UBE2N: variants seen among roughly 807,000 people sequenced by gnomAD.
UBE2N encodes ubiquitin-conjugating enzyme E2 N.
For missense variants in UBE2N, 60 were observed against 192.1 expected (o/e 0.31, Z 4.07); for synonymous variants, 70 against 69.2 (o/e 1.01, Z -0.06).
intron 1 of UBE2N, among the ~76,000 whole-genome samples, chr12:93,424,633 G>T (rs1328956858): frequency 6.6e-6 from 1 of 152,208 alleles, no homozygotes; most frequent in Non-Finnish European, 1.5e-5. Flanking sequence ...ATACCGCACA[G>T]CTTCAGGAGA....
chr12:93,432,824 A>G (rs961171099), intron 1 of UBE2N, among the ~76,000 whole-genome samples: 1 of 152,194 alleles, frequency 6.6e-6, no homozygotes, highest in Non-Finnish European at 1.5e-5. Context: ...AATTACTTTA[A>G]ATTACAGTAG....
chr12:93,413,319 A>G (rs890943712), intron 1 of UBE2N, among the ~76,000 whole-genome samples: 1 of 152,002 alleles, frequency 6.6e-6, no homozygotes, highest in African/African-American at 2.4e-5. Flanking sequence ...CTATCTCCCA[A>G]CATCGCAACA....
intron 1 of UBE2N, among the ~76,000 whole-genome samples, chr12:93,428,615 C>G (rs1325269382): frequency 1.3e-5 from 2 of 152,170 alleles, no homozygotes; most frequent in Non-Finnish European, 2.9e-5. Flanking sequence ...CACATATGAC[C>G]AGTGTTTCTG....
chr12:93,434,331 G>A (rs189965186), intron 1 of UBE2N, among the ~76,000 whole-genome samples: 14 of 152,278 alleles, frequency 9.2e-5, no homozygotes, highest in Admixed American at 7.9e-4. Flanking sequence ...TCATTAACAC[G>A]TGTGGAAAAA....
At chr12:93,426,605 T>C (rs1168985919) in intron 1 of UBE2N, among the ~76,000 whole-genome samples, 1 of 152,134 alleles carries the variant, frequency 6.6e-6, no homozygotes, top group Non-Finnish European at 1.5e-5. Flanking sequence ...AGCCACATAC[T>C]GCCACATCTC....
intron 1 of UBE2N, among the ~76,000 whole-genome samples, chr12:93,439,158 T>G (rs770975153): frequency 3.9e-5 from 6 of 152,246 alleles, no homozygotes; most frequent in Non-Finnish European, 5.9e-5. Context: ...ATGCTAACAC[T>G]GATGTTATAT....
At chr12:93,433,932 G>C (rs941644470) in intron 1 of UBE2N, among the ~76,000 whole-genome samples, 4 of 152,200 alleles carry the variant, frequency 2.6e-5, no homozygotes, top group Non-Finnish European at 5.9e-5. Flanking sequence ...TGTACATCAG[G>C]AATCTGGTCA....
Position 93,408,364 on chromosome 12 carries a change from C to A in UBE2N, c.*1675G>T, listed in dbSNP as rs918355264. On this transcript the variant is annotated 3_prime_UTR_variant, in exon 4 of 4. Coordinates refer to ENST00000318066, the MANE Select transcript of UBE2N (RefSeq NM_003348.4). ...GATACCAGTTACCAGTCATCAAAAG[C>A]TTTTGTATGTTGAAAATGTAATTTT... The A allele has an allele frequency of 1.3e-5, 2 of 152,144 alleles. No individual in the cohort carries two copies. The highest frequency in any genetic ancestry group is 4.8e-5 in the African/African-American group (2 of 41,434). 9.4% of individuals were successfully genotyped at this position (152,144 alleles called of 1,614,324 possible).
intron 1 of UBE2N, among the ~76,000 whole-genome samples, chr12:93,416,617 C>T (rs1046441896): frequency 2.6e-5 from 4 of 152,008 alleles, no homozygotes; most frequent in African/African-American, 9.7e-5. Context: ...AGGCAGGTCT[C>T]GAACTCCTGA....
At chr12:93,428,639 A>T (rs1279331847) in intron 1 of UBE2N, among the ~76,000 whole-genome samples, 2 of 152,266 alleles carry the variant, frequency 1.3e-5, no homozygotes, top group African/African-American at 4.8e-5. Context: ...AGTGTACACT[A>T]AAATCATAAG....
At chr12:93,428,292 T>G (rs1051270279) in intron 1 of UBE2N, among the ~76,000 whole-genome samples, 5 of 152,186 alleles carry the variant, frequency 3.3e-5, no homozygotes, top group African/African-American at 4.8e-5. Context: ...AGTTAAAAGA[T>G]TACTTTTGAA....
chr12:93,439,530 A>C (rs889690481), intron 1 of UBE2N, among the ~76,000 whole-genome samples: 3 of 152,160 alleles, frequency 2.0e-5, no homozygotes, highest in African/African-American at 7.2e-5. Flanking sequence ...CAGAAATAAA[A>C]CAAATTAACA....
chr12:93,409,450 G>T lies in UBE2N; in HGVS notation c.*589C>A, dbSNP rs918117990. The T allele has an allele frequency of 3.6e-5, 6 of 166,582 alleles. No individual in the cohort carries two copies. The highest frequency in any genetic ancestry group is 1.5e-4 in the African/African-American group (6 of 41,306). The allele number at this position is 166,582 out of a possible 1,614,324, so 10.3% of individuals were successfully genotyped here. ...GGTCACAAGCTTTTTTTGAAGGGGG[G>T]AATCTACACTTGACAGCAATGTTAT... On this transcript the variant is annotated 3_prime_UTR_variant, in exon 4 of 4. Coordinates refer to ENST00000318066, the MANE Select transcript of UBE2N (RefSeq NM_003348.4).
At chr12:93,429,565 A>T (rs1202609235) in intron 1 of UBE2N, among the ~76,000 whole-genome samples, 1 of 99,032 alleles carries the variant, frequency 1.0e-5, no homozygotes, top group African/African-American at 3.7e-5. Context: ...CTGCTTGTTA[A>T]AAAAAAAAAA....
At chr12:93,412,307 A>G (rs1878053060) in intron 1 of UBE2N, among the ~76,000 whole-genome samples, 1 of 152,110 alleles carries the variant, frequency 6.6e-6, no homozygotes, top group African/African-American at 2.4e-5. Flanking sequence ...CTATTTCATG[A>G]CAAGTTAGAT....
intron 1 of UBE2N, among the ~76,000 whole-genome samples, chr12:93,414,168 G>C (rs1275897194): frequency 6.9e-6 from 1 of 144,826 alleles, no homozygotes; most frequent in Non-Finnish European, 1.5e-5. Flanking sequence ...CTCAAAAAAA[G>C]TCTGGGCATG....
rs1338837661 is a variant in UBE2N, at chr12:93,410,714, G to A, written c.418+20C>T. On this transcript the variant is annotated intron_variant, in intron 3 of 3. Transcript: ENST00000318066. Reference sequence around the variant, plus strand: ...TTTGTAAAAGTGGAAGTGGTGTGAAGGAGAATGAATATTAGATACCTGTTT... The same window carrying A: ...TTTGTAAAAGTGGAAGTGGTGTGAAAGAGAATGAATATTAGATACCTGTTT... The A allele has an allele frequency of 6.2e-7, 1 of 1,613,614 alleles. No individual in the cohort carries two copies. The highest frequency in any genetic ancestry group is 1.7e-5 in the Admixed American group (1 of 60,002).
Position 93,408,293 on chromosome 12 carries a change from T to C in UBE2N, c.*1746A>G, listed in dbSNP as rs960659832. The C allele has an allele frequency of 6.6e-6, 1 of 152,264 alleles. No individual in the cohort carries two copies. Among genetic ancestry groups the C allele is most frequent in the South Asian group, 2.1e-4 (1 of 4,838 alleles). The allele number at this position is 152,264 out of a possible 1,614,324, so 9.4% of individuals were successfully genotyped here. A position where few individuals can be genotyped will look rare whatever the true frequency, so the allele number is the denominator to read the frequency against. ...ATTAGGGTTGTTAACTATTTCATTCTGAATTAAGCTAACATTTGTTACCAA... is the reference window on the plus strand; with the variant it reads ...ATTAGGGTTGTTAACTATTTCATTCCGAATTAAGCTAACATTTGTTACCAA... On this transcript the variant is annotated 3_prime_UTR_variant, in exon 4 of 4. Coordinates refer to ENST00000318066, the MANE Select transcript of UBE2N (RefSeq NM_003348.4).
rs1877893458 is a variant in UBE2N at position 93,407,710 on chromosome 12, G to C, written c.*2329C>G. On this transcript the variant is annotated 3_prime_UTR_variant, in exon 4 of 4. Coordinates refer to ENST00000318066, the MANE Select transcript of UBE2N (RefSeq NM_003348.4). ...TTTAAAAATGTTGGCATCAAATTCA[G>C]AATGTTTTAACCAGCCACACTGTGT... The C allele has an allele frequency of 6.6e-6, 1 of 152,188 alleles. No homozygotes were observed. The highest frequency in any genetic ancestry group is 1.5e-5 in the Non-Finnish European group (1 of 68,032). 9.4% of individuals were successfully genotyped at this position (152,188 alleles called of 1,614,324 possible).
Sources: gnomAD v4.1 joint callset for allele counts (sites outside exome capture counted in the v4.1 genomes callset) on GRCh38, gnomAD v4.1.1 for gene constraint, MANE v1.5 for transcripts, NCBI Gene and HGNC (gene_info 2026-07-23, HGNC 2026-07-21) for gene names.